Variants in FNTA observed in about 807,000 individuals in gnomAD.
FNTA encodes the protein farnesyltransferase, CAAX box, subunit alpha.
In FNTA, 27 loss-of-function variants were observed where a neutral mutation model predicts 55.2. That is an observed-to-expected ratio of 0.49 (90% CI 0.36 to 0.67). The LOEUF (loss-of-function observed/expected upper bound fraction) is 0.67. Among genes scored for constraint, FNTA ranks in the 30% least tolerant of loss-of-function variants. The pLI is 0.00. For synonymous variants in FNTA, 176 were observed against 170.7 expected (o/e 1.03, Z -0.24); for missense variants, 422 against 464.7 (o/e 0.91, Z 0.85).
chr8:43,057,846 T>G (rs1810445751), intron 1 of FNTA, among the ~76,000 whole-genome samples: 1 of 151,238 alleles, frequency 6.6e-6, no homozygotes, highest in Non-Finnish European at 1.5e-5. Context: ...TAATTCCAGC[T>G]ACTCGGGAGG....
chr8:43,060,675 C>CAA (rs202205706), intron 2 of FNTA, among the ~76,000 whole-genome samples: 16 of 141,170 alleles, frequency 1.1e-4, no homozygotes, highest in African/African-American at 4.1e-4. Flanking sequence ...AACTCTGTCT[C>CAA]AAAAAAAAAA....
In FNTA at chr8:43,077,378, T is replaced by G; in HGVS notation, c.782+14T>G. 6.3e-7 allele frequency: 1 copy of G among 1,595,166 alleles called. No individual in the cohort carries two copies. The highest frequency in any genetic ancestry group is 8.6e-7 in the Non-Finnish European group (1 of 1,168,002). ...GAGAGAAGTCCAGTTAGTAATCTCC[T>G]TCACTTGCTCATTCGTTACAAACAT... is the stretch of plus-strand genomic sequence containing the variant. On this transcript the variant is annotated intron_variant, in intron 6 of 8. Transcript: ENST00000302279.
In FNTA at chr8:43,072,164, CCTT is replaced by C; in HGVS notation, c.507-13_507-11del. On this transcript the variant is annotated splice_polypyrimidine_tract_variant and intron_variant, in intron 4 of 8. Transcript: ENST00000302279. ...GGTAAATTAACAAAAAACTTCTCTC[CCTT>C]CTTTGGGCTTTAGGCATCATAGGCG... The C allele has an allele frequency of 6.8e-7, 1 of 1,460,198 alleles. No individual in the cohort carries two copies. The highest frequency in any genetic ancestry group is 1.4e-5 in the African/African-American group (1 of 69,040). The allele number at this position is 1,460,198 out of a possible 1,614,324, so 90.5% of individuals were successfully genotyped here.
At chr8:43,073,425 G>C (rs1810839808) in intron 5 of FNTA, 1 of 152,152 alleles carries the variant, frequency 6.6e-6, no homozygotes, top group African/African-American at 2.4e-5. Flanking sequence ...TAATTGTGTT[G>C]TAGCTTATGC....
chr8:43,075,913 G>A lies in FNTA; in HGVS notation c.634-1303G>A, dbSNP rs572450385. Among the ~76,000 whole-genome samples, 14 of 149,930 alleles carry A rather than the reference G, an allele frequency of 9.3e-5. No homozygotes were observed. In the South Asian group the frequency reaches 2.7e-3, roughly 29 times the overall value. ...TTTTGGGACAGGGTCTGTTTCTGTC[G>A]CCCAGAGTGCAGTGGTGCAGTCATA... On this transcript the variant is annotated intron_variant, in intron 5 of 8. Transcript: ENST00000302279.
At chr8:43,072,476 A>G (rs921135137) in intron 5 of FNTA, among the ~76,000 whole-genome samples, 169 bp downstream of exon 5, 2 of 152,190 alleles carry the variant, frequency 1.3e-5, no homozygotes, top group African/African-American at 4.8e-5. Flanking sequence ...CTGTGATCCC[A>G]GTACTTTGGG....
Position 43,083,105 on chromosome 8 carries a change from A to AT in FNTA, c.783-8dup. On this transcript the variant is annotated splice_polypyrimidine_tract_variant and intron_variant, in intron 6 of 8. Transcript: ENST00000302279. ...TGTTCTTTTAAAATTGTATATATAT[A>AT]TTTTTCTTGCAGATACACTCTGGAA... 1 of 1,468,424 alleles carries AT rather than the reference A, an allele frequency of 6.8e-7. No individual in the cohort carries two copies. Among genetic ancestry groups the AT allele is most frequent in the East Asian group, 2.3e-5 (1 of 43,824 alleles). The allele number at this position is 1,468,424 out of a possible 1,614,324, so 91.0% of individuals were successfully genotyped here.
chr8:43,063,568 A>C (rs1400639917), intron 2 of FNTA, among the ~76,000 whole-genome samples: 1 of 152,204 alleles, frequency 6.6e-6, no homozygotes, highest in Non-Finnish European at 1.5e-5. Context: ...GTTTGCATAA[A>C]AATGAAGGAT....
intron 2 of FNTA, among the ~76,000 whole-genome samples, chr8:43,063,585 A>T (rs1389614964): frequency 6.6e-6 from 1 of 152,170 alleles, no homozygotes; most frequent in Non-Finnish European, 1.5e-5. Context: ...GGATGGAATT[A>T]GGCTATATAC....
At chr8:43,071,888 A>C (rs1810800857) in intron 4 of FNTA, among the ~76,000 whole-genome samples, 1 of 152,186 alleles carries the variant, frequency 6.6e-6, no homozygotes, top group Admixed American at 6.5e-5. Context: ...ATTTGATAAA[A>C]TAATAGCACA....
chr8:43,067,720 A>T (rs927157143), intron 3 of FNTA, among the ~76,000 whole-genome samples: 274 of 141,364 alleles, frequency 1.9e-3, no homozygotes, highest in Admixed American at 3.4e-3. Context: ...ATTTTATTTT[A>T]TTTTTATTAA....
intron 5 of FNTA, among the ~76,000 whole-genome samples, chr8:43,074,047 C>T (rs926088101): frequency 5.3e-5 from 8 of 151,836 alleles, no homozygotes; most frequent in African/African-American, 1.7e-4. Flanking sequence ...TAGTTTTAAA[C>T]GTTAGTTTTA....
At chr8:43,061,289 A>C (rs981411237) in intron 2 of FNTA, among the ~76,000 whole-genome samples, 3 of 152,238 alleles carry the variant, frequency 2.0e-5, no homozygotes, top group African/African-American at 7.2e-5. Context: ...CAGGAGGTTA[A>C]AAGCACAGAC....
chr8:43,071,933 GTTTC>G (rs1460639158), intron 4 of FNTA, among the ~76,000 whole-genome samples: 2 of 152,068 alleles, frequency 1.3e-5, no homozygotes, highest in East Asian at 3.8e-4. Context: ...ATCTAGTAAT[GTTTC>G]TTAATTTTTT....
At chr8:43,083,319 CA>C in intron 7 of FNTA, 139 bp downstream of exon 7, 1 of 551,650 alleles carries the variant, frequency 1.8e-6, no homozygotes, top group Non-Finnish European at 3.2e-6. Flanking sequence ...AGAAGTATAA[CA>C]GCATTATGGA....
intron 3 of FNTA, among the ~76,000 whole-genome samples, chr8:43,068,217 G>A (rs1194231049): frequency 1.3e-5 from 2 of 152,054 alleles, no homozygotes; most frequent in Non-Finnish European, 2.9e-5. Context: ...TTGCCACGTT[G>A]GCCAGGCTGG....
Position 43,056,494 on chromosome 8 carries a change from C to A in FNTA, c.148C>A (p.Pro50Thr). 1 of 1,572,776 alleles carries A rather than the reference C, an allele frequency of 6.4e-7. No homozygotes were observed. Among genetic ancestry groups the A allele is most frequent in the East Asian group, 2.4e-5 (1 of 40,852 alleles). ...CGAGGCTGGGGAAGCCGTGGCGTCC[C>A]CCATGGACGACGGGTTTGTGAGCCT... Reference protein sequence around the residue: ...AAEAGEAVASPMDDGFVSLDS... With the variant: ...AAEAGEAVASTMDDGFVSLDS... Residue 50 changes from proline to threonine, a missense_variant, in exon 1 of 9, where the codon CCC becomes ACC. Pro to Thr is a conservative substitution (Grantham distance 38). Around this residue, in one of 2 missense-constraint regions of FNTA, gnomAD observed 160 missense variants for 121.6 expected, o/e 1.32. Transcript: ENST00000302279.
chr8:43,060,514 A>G lies in FNTA; in HGVS notation c.286+1337A>G, dbSNP rs1169712588. Among the ~76,000 whole-genome samples the G allele has an allele frequency of 3.9e-5, 6 of 152,188 alleles. No individual in the cohort carries two copies. The East Asian group carries it at 1.2e-3, about 29-fold the overall frequency. On this transcript the variant is annotated intron_variant, in intron 2 of 8. Transcript: ENST00000302279. ...ACGTGGCGAAACCCTGTCTCTACTA[A>G]AAATACAAAAATTAGCTGGGCGTGG...
intron 1 of FNTA, among the ~76,000 whole-genome samples, chr8:43,058,340 A>T (rs1393631305): frequency 2.0e-5 from 3 of 152,138 alleles, no homozygotes; most frequent in Non-Finnish European, 4.4e-5. Flanking sequence ...CACCTGCGCC[A>T]CCTCTTGAGT....
Sources: gnomAD v4.1 joint callset for allele counts (sites outside exome capture counted in the v4.1 genomes callset) on GRCh38, gnomAD v4.1.1 for gene constraint, gnomAD v4.1.1 regional missense constraint, MANE v1.5 for transcripts, NCBI Gene and HGNC (gene_info 2026-07-23, HGNC 2026-07-21) for gene names.